The following MRPL1 variants were observed in gnomAD, a reference collection of about 807,000 sequenced individuals.
The protein encoded by MRPL1 is large ribosomal subunit protein uL1m.
In MRPL1, 28 loss-of-function variants were observed where a neutral mutation model predicts 38.0. That is an observed-to-expected ratio of 0.74 (90% CI 0.55 to 1.01). The LOEUF is 1.01. Among genes scored for constraint, MRPL1 ranks in the 50% least tolerant of loss-of-function variants. MRPL1 has a pLI of 0.00. For synonymous variants in MRPL1, 123 were observed against 126.7 expected (o/e 0.97, Z 0.20); for missense variants, 358 against 389.8 (o/e 0.92, Z 0.69).
intron 5 of MRPL1, among the ~76,000 whole-genome samples, chr4:77,889,659 C>CA (rs1190552918): frequency 6.6e-6 from 1 of 152,018 alleles, no homozygotes; most frequent in East Asian, 1.9e-4. Flanking sequence ...GATAGAGATA[C>CA]AAAAAACCCT....
intron 6 of MRPL1, among the ~76,000 whole-genome samples, chr4:77,903,143 T>C (rs1364769218): frequency 1.3e-5 from 2 of 152,118 alleles, no homozygotes; most frequent in African/African-American, 4.8e-5. Context: ...TATATGTACA[T>C]AAAAATAAAG....
At chr4:77,929,461 C>T (rs932077951) in intron 7 of MRPL1, among the ~76,000 whole-genome samples, 1 of 151,904 alleles carries the variant, frequency 6.6e-6, no homozygotes, top group African/African-American at 2.4e-5. Flanking sequence ...ACAATAAAAA[C>T]ATCTATAAGG....
chr4:77,903,393 G>A (rs1736079592), intron 6 of MRPL1, among the ~76,000 whole-genome samples: 1 of 152,192 alleles, frequency 6.6e-6, no homozygotes, highest in Non-Finnish European at 1.5e-5. Flanking sequence ...AGATCATTGA[G>A]AAGGAATGCT....
intron 1 of MRPL1, among the ~76,000 whole-genome samples, chr4:77,864,986 T>C (rs889240449): frequency 1.4e-5 from 2 of 148,018 alleles, no homozygotes; most frequent in Non-Finnish European, 1.5e-5. Context: ...GCCTCCCGGG[T>C]TCAAGCAATT....
chr4:77,950,170 T>A (rs1214429804), intron 8 of MRPL1, among the ~76,000 whole-genome samples: 1 of 152,202 alleles, frequency 6.6e-6, no homozygotes, highest in Non-Finnish European at 1.5e-5. Context: ...TGTAACTGAT[T>A]GCTTTAAACT....
At chr4:77,946,656 T>C (rs2110268098) in intron 7 of MRPL1, among the ~76,000 whole-genome samples, 1 of 152,342 alleles carries the variant, frequency 6.6e-6, no homozygotes, top group South Asian at 2.1e-4. Context: ...TTTATGTTCC[T>C]CTGCCATGGC....
chr4:77,878,312 G>T (rs1275387098), intron 2 of MRPL1, among the ~76,000 whole-genome samples: 1 of 152,196 alleles, frequency 6.6e-6, no homozygotes, highest in Non-Finnish European at 1.5e-5. Flanking sequence ...AAGGTAATGA[G>T]TAAACCAGCA....
chr4:77,934,129 A>G (rs944702543), intron 7 of MRPL1, among the ~76,000 whole-genome samples: 1 of 152,236 alleles, frequency 6.6e-6, no homozygotes, highest in Non-Finnish European at 1.5e-5. Context: ...ACTTAAGTGA[A>G]AGAAGCCAGT....
chr4:77,899,601 T>G (rs1458225730), intron 6 of MRPL1, among the ~76,000 whole-genome samples: 1 of 152,160 alleles, frequency 6.6e-6, no homozygotes, highest in African/African-American at 2.4e-5. Context: ...GCAACTTCTT[T>G]CAGGAGGTAA....
At chr4:77,880,137 A>G (rs1035775549) in intron 2 of MRPL1, among the ~76,000 whole-genome samples, 3 of 152,182 alleles carry the variant, frequency 2.0e-5, no homozygotes, top group South Asian at 2.1e-4. Flanking sequence ...TTAAAACTAT[A>G]CAAGTTTTTC....
intron 7 of MRPL1, among the ~76,000 whole-genome samples, chr4:77,915,964 G>A (rs549712766): frequency 1.3e-5 from 2 of 152,232 alleles, no homozygotes; most frequent in African/African-American, 2.4e-5. Context: ...AAAGCAAGCT[G>A]CCAAGAGATC....
intron 2 of MRPL1, among the ~76,000 whole-genome samples, chr4:77,879,277 T>C (rs1735473272): frequency 6.6e-6 from 1 of 152,210 alleles, no homozygotes; most frequent in Non-Finnish European, 1.5e-5. Flanking sequence ...TGGAAGAAAT[T>C]TGTTAAATTG....
At chr4:77,933,057 C>G (rs955029124) in intron 7 of MRPL1, among the ~76,000 whole-genome samples, 3 of 152,132 alleles carry the variant, frequency 2.0e-5, no homozygotes, top group Admixed American at 1.3e-4. Flanking sequence ...TCAAGGGATC[C>G]TCCTTTTTCA....
chr4:77,930,281 T>G (rs1000907715), intron 7 of MRPL1, among the ~76,000 whole-genome samples: 3 of 152,118 alleles, frequency 2.0e-5, no homozygotes, highest in Non-Finnish European at 4.4e-5. Flanking sequence ...CTGATAATGG[T>G]CCGTGTCCTA....
intron 2 of MRPL1, among the ~76,000 whole-genome samples, chr4:77,877,234 T>C (rs1220029654): frequency 3.9e-5 from 6 of 152,194 alleles, no homozygotes; most frequent in Admixed American, 6.5e-5. Flanking sequence ...ATGTCAGATA[T>C]CTGAATGCGA....
intron 5 of MRPL1, among the ~76,000 whole-genome samples, chr4:77,891,201 C>G (rs1454892755): frequency 4.0e-5 from 6 of 151,848 alleles, no homozygotes; most frequent in Non-Finnish European, 8.8e-5. Context: ...ATAATCATCA[C>G]AAATGTTTGG....
At chr4:77,942,916 G>A (rs1261736744) in intron 7 of MRPL1, among the ~76,000 whole-genome samples, 10 of 152,090 alleles carry the variant, frequency 6.6e-5, no homozygotes, top group East Asian at 5.8e-4. Flanking sequence ...TATTCATTGC[G>A]TTATTTGTTG....
chr4:77,929,577 A>G (rs1052953869), intron 7 of MRPL1, among the ~76,000 whole-genome samples: 1 of 152,182 alleles, frequency 6.6e-6, no homozygotes, highest in South Asian at 2.1e-4. Context: ...CCCTTCTCCC[A>G]TTACAGATTT....
intron 1 of MRPL1, among the ~76,000 whole-genome samples, chr4:77,868,627 A>G (rs992759784): frequency 6.6e-6 from 1 of 152,242 alleles, no homozygotes; most frequent in Non-Finnish European, 1.5e-5. Flanking sequence ...GAGAGACCTA[A>G]TCTATTCAGG....
Sources: allele counts gnomAD v4.1 joint callset (sites outside exome capture counted in the v4.1 genomes callset), GRCh38; gene constraint gnomAD v4.1.1; transcripts MANE v1.5; gene names NCBI Gene and HGNC (gene_info 2026-07-23, HGNC 2026-07-21).